Variants in ANKRD12 observed in about 807,000 individuals in gnomAD.
ANKRD12 encodes the protein ankyrin repeat domain 12, also known as ankyrin repeat domain-containing protein 12.
A neutral mutation model predicts 183.4 loss-of-function variants in ANKRD12; 85 were observed. The observed-to-expected ratio is 0.46, with a 90% CI of 0.39 to 0.56. The LOEUF (loss-of-function observed/expected upper bound fraction) is 0.56, where lower values mean the gene tolerates loss of function less well. Among genes scored for constraint, ANKRD12 ranks in the 20% least tolerant of loss-of-function variants. The pLI is 0.00. For missense variants in ANKRD12, 2,405 were observed against 2,357.1 expected (o/e 1.02, Z -0.42); for synonymous variants, 914 against 800.2 (o/e 1.14, Z -2.40).
intron 8 of ANKRD12, among the ~76,000 whole-genome samples, chr18:9,249,236 T>C (rs1273413443): frequency 6.6e-6 from 1 of 152,144 alleles, no homozygotes; most frequent in African/African-American, 2.4e-5. Flanking sequence ...ATTCCATAAA[T>C]GGGTCTTCTT....
chr18:9,260,833 G>T (rs1253699752), intron 9 of ANKRD12, among the ~76,000 whole-genome samples: 1 of 152,046 alleles, frequency 6.6e-6, no homozygotes, highest in Non-Finnish European at 1.5e-5. Context: ...TAAATATCCT[G>T]CCCAGATCTC....
At chr18:9,172,148 T>C (rs1027540590) in intron 1 of ANKRD12, among the ~76,000 whole-genome samples, 13 of 152,154 alleles carry the variant, frequency 8.5e-5, no homozygotes, top group African/African-American at 3.1e-4. Context: ...GGCCTTTCTC[T>C]CTGGCTGCCC....
intron 8 of ANKRD12, chr18:9,250,042 T>C (rs578058494): frequency 3.9e-5 from 6 of 152,304 alleles, no homozygotes; most frequent in African/African-American, 9.6e-5. Context: ...ATGGGGATAA[T>C]AACACCTGTT....
At chr18:9,139,252 A>T (rs1412827287) in intron 1 of ANKRD12, among the ~76,000 whole-genome samples, 1 of 152,132 alleles carries the variant, frequency 6.6e-6, no homozygotes, top group East Asian at 1.9e-4. Flanking sequence ...AAAAGCCTGA[A>T]TTTTATTTGC....
chr18:9,137,447 CGAGAGGGCGCCGCTGGCGTGCGGCG>C (rs1447682400), intron 1 of ANKRD12: 2 of 146,048 alleles, frequency 1.4e-5, no homozygotes, highest in Non-Finnish European at 3.0e-5. Context: ...TGTGCGCGGC[CGAGAGGGCGCCGCTGGCGTGCGGCG>C]GTCGGACCCG....
intron 1 of ANKRD12, among the ~76,000 whole-genome samples, chr18:9,140,005 C>T (rs1439781888): frequency 6.6e-6 from 1 of 152,112 alleles, no homozygotes; most frequent in African/African-American, 2.4e-5. Flanking sequence ...AGTGAGAAGG[C>T]CTGGGTTTAA....
At chr18:9,209,735 A>G (rs1363527231) in intron 5 of ANKRD12, among the ~76,000 whole-genome samples, 1 of 152,208 alleles carries the variant, frequency 6.6e-6, no homozygotes, top group East Asian at 1.9e-4. Context: ...TTGCCATGTA[A>G]AAACTTTGAC....
At chr18:9,211,488 T>A in intron 5 of ANKRD12, 96 bp from the exon 6 acceptor site, 1 of 1,118,858 alleles carries the variant, frequency 8.9e-7, no homozygotes, top group Non-Finnish European at 1.3e-6. Context: ...GCATTCCTTG[T>A]GTTTCAGGAG....
intron 6 of ANKRD12, among the ~76,000 whole-genome samples, 166 bp from the exon 7 acceptor site, chr18:9,216,592 A>G (rs1465401960): frequency 6.6e-6 from 1 of 152,250 alleles, no homozygotes; most frequent in Non-Finnish European, 1.5e-5. Context: ...AACCTTCAGT[A>G]AATTGATATT....
intron 9 of ANKRD12, among the ~76,000 whole-genome samples, chr18:9,261,286 G>A (rs539637345): frequency 1.8e-4 from 27 of 152,278 alleles, no homozygotes; most frequent in African/African-American, 6.3e-4. Flanking sequence ...TGTGCAAATG[G>A]GGGAGGCTTT....
intron 1 of ANKRD12, among the ~76,000 whole-genome samples, chr18:9,155,242 A>G (rs2143652170): frequency 6.6e-6 from 1 of 152,350 alleles, no homozygotes; most frequent in Non-Finnish European, 1.5e-5. Context: ...ACTATAGTCA[A>G]AAATAATTTA....
intron 8 of ANKRD12, among the ~76,000 whole-genome samples, chr18:9,233,758 T>C (rs1022042094): frequency 6.6e-6 from 1 of 152,210 alleles, no homozygotes; most frequent in African/African-American, 2.4e-5. Flanking sequence ...GAAGTTTTGC[T>C]AGGGACAGAC....
intron 1 of ANKRD12, among the ~76,000 whole-genome samples, chr18:9,169,200 G>T (rs1216204670): frequency 1.3e-5 from 2 of 152,148 alleles, no homozygotes; most frequent in Non-Finnish European, 2.9e-5. Flanking sequence ...TGTTGATTTG[G>T]GGTGGAGAGT....
intron 8 of ANKRD12, among the ~76,000 whole-genome samples, chr18:9,228,760 G>A (rs1233881930): frequency 1.3e-5 from 2 of 152,022 alleles, no homozygotes; most frequent in Non-Finnish European, 2.9e-5. Flanking sequence ...TCTCATTCGA[G>A]GGTTGTCTCT....
intron 1 of ANKRD12, among the ~76,000 whole-genome samples, chr18:9,162,756 G>A (rs565846650): frequency 6.6e-6 from 1 of 152,284 alleles, no homozygotes; most frequent in Admixed American, 6.5e-5. Context: ...ACTGGCATGA[G>A]ATGGTATCTC....
At chr18:9,261,749 C>T (rs1015273397) in intron 9 of ANKRD12, among the ~76,000 whole-genome samples, 1 of 152,186 alleles carries the variant, frequency 6.6e-6, no homozygotes, top group Non-Finnish European at 1.5e-5. Context: ...AATTACCTCC[C>T]TCCCTCCTTT....
intron 3 of ANKRD12, among the ~76,000 whole-genome samples, chr18:9,197,638 C>A (rs2034919457): frequency 6.6e-6 from 1 of 152,080 alleles, no homozygotes; most frequent in African/African-American, 2.4e-5. Flanking sequence ...TTATTATATA[C>A]TGTACTCTTT....
intron 8 of ANKRD12, among the ~76,000 whole-genome samples, chr18:9,250,539 T>C (rs1305725308): frequency 6.6e-6 from 1 of 151,722 alleles, no homozygotes; most frequent in Non-Finnish European, 1.5e-5. Flanking sequence ...GGCAACATAG[T>C]GAGTCCTCAT....
At chr18:9,195,939 C>G (rs1362607864) in intron 3 of ANKRD12, among the ~76,000 whole-genome samples, 1 of 151,778 alleles carries the variant, frequency 6.6e-6, no homozygotes, top group African/African-American at 2.4e-5. Flanking sequence ...ATTTCTTTAT[C>G]AAGAAATTAA....
Sources: gnomAD v4.1 joint callset for allele counts (sites outside exome capture counted in the v4.1 genomes callset) on GRCh38, gnomAD v4.1.1 for gene constraint, MANE v1.5 for transcripts, NCBI Gene and HGNC (gene_info 2026-07-23, HGNC 2026-07-21) for gene names.